NAALADL2: variants seen among roughly 807,000 people sequenced by gnomAD.
The protein encoded by NAALADL2 is N-acetylated alpha-linked acidic dipeptidase like 2, also known as inactive N-acetylated-alpha-linked acidic dipeptidase-like protein 2.
Under a neutral mutation model 87.2 loss-of-function variants are expected in NAALADL2, and 76 were observed. The observed-to-expected ratio is 0.87, with a 90% CI of 0.72 to 1.05. The LOEUF is 1.05. NAALADL2 is among the 50% of genes least tolerant of loss of function. NAALADL2 has a pLI of 0.00. For missense variants in NAALADL2, 1,089 were observed against 945.8 expected (o/e 1.15, Z -1.99); for synonymous variants, 354 against 331.0 (o/e 1.07, Z -0.75).
intron 3 of NAALADL2, among the ~76,000 whole-genome samples, chr3:174,810,085 G>C (rs1719995814): frequency 1.3e-5 from 2 of 152,156 alleles, no homozygotes; most frequent in African/African-American, 4.8e-5. Context: ...CTACAGAACT[G>C]TGAGCCAATT....
chr3:175,795,094 AC>A (rs1382076373), intron 13 of NAALADL2, among the ~76,000 whole-genome samples: 1 of 151,738 alleles, frequency 6.6e-6, no homozygotes, highest in African/African-American at 2.4e-5. Flanking sequence ...AAACTTAATT[AC>A]CCCCAAGGCT....
intron 2 of NAALADL2, among the ~76,000 whole-genome samples, chr3:174,614,298 C>G (rs1720230786): frequency 6.6e-6 from 1 of 152,152 alleles, no homozygotes; most frequent in Admixed American, 6.5e-5. Context: ...CCTTGACTAC[C>G]TTTCAAGTTT....
chr3:174,471,314 T>A (rs997351770), intron 1 of NAALADL2, among the ~76,000 whole-genome samples: 1 of 152,128 alleles, frequency 6.6e-6, no homozygotes, highest in East Asian at 1.9e-4. Flanking sequence ...CCAAGATGTA[T>A]GCAGTTTGTA....
chr3:175,692,996 T>C (rs1268544463), intron 11 of NAALADL2, among the ~76,000 whole-genome samples: 1 of 152,198 alleles, frequency 6.6e-6, no homozygotes, highest in African/African-American at 2.4e-5. Flanking sequence ...GCTGTAAAGC[T>C]CAGAGTTTCA....
chr3:174,462,407 A>G (rs1012935231), intron 1 of NAALADL2, among the ~76,000 whole-genome samples: 2 of 152,096 alleles, frequency 1.3e-5, no homozygotes, highest in African/African-American at 4.8e-5. Flanking sequence ...TCTCCTCTCT[A>G]TGATTATTTT....
chr3:174,632,933 CAAAAAAAAAAA>C (rs56809226), intron 2 of NAALADL2, among the ~76,000 whole-genome samples: 5 of 63,776 alleles, frequency 7.8e-5, no homozygotes, highest in African/African-American at 1.1e-4. Flanking sequence ...GACTCTGTCT[CAAAAAAAAAAA>C]AAAAAAAAAA....
intron 11 of NAALADL2, among the ~76,000 whole-genome samples, chr3:175,699,264 A>C (rs932668865): frequency 2.0e-5 from 3 of 151,922 alleles, no homozygotes; most frequent in African/African-American, 7.2e-5. Context: ...ATAAATCTTA[A>C]TACAAAGCAC....
At chr3:175,482,853 T>C (rs1726702713) in intron 9 of NAALADL2, among the ~76,000 whole-genome samples, 1 of 151,778 alleles carries the variant, frequency 6.6e-6, no homozygotes, top group African/African-American at 2.4e-5. Context: ...CTCTTACTTA[T>C]TTTCTGGACA....
intron 2 of NAALADL2, among the ~76,000 whole-genome samples, chr3:174,566,019 A>T (rs1486244502): frequency 6.6e-6 from 1 of 151,772 alleles, no homozygotes; most frequent in East Asian, 1.9e-4. Flanking sequence ...TGAATTGACC[A>T]AATTTTGCAT....
chr3:174,517,209 G>T (rs1410116555), intron 1 of NAALADL2, among the ~76,000 whole-genome samples: 1 of 151,928 alleles, frequency 6.6e-6, no homozygotes, highest in African/African-American at 2.4e-5. Flanking sequence ...GGTTTTGGGG[G>T]TTGTTGCTAT....
At chr3:174,701,277 A>G (rs1288200293) in intron 2 of NAALADL2, among the ~76,000 whole-genome samples, 1 of 151,684 alleles carries the variant, frequency 6.6e-6, no homozygotes, top group Non-Finnish European at 1.5e-5. Flanking sequence ...ATTATATCTC[A>G]TATGAACCTA....
At chr3:175,084,640 G>A (rs572902113) in intron 1 of NAALADL2, among the ~76,000 whole-genome samples, 1 of 152,208 alleles carries the variant, frequency 6.6e-6, no homozygotes, top group East Asian at 1.9e-4. Context: ...ATTCCTAAAA[G>A]AGCATAGATA....
chr3:175,186,675 G>A (rs1415824660), intron 2 of NAALADL2, among the ~76,000 whole-genome samples: 1 of 152,060 alleles, frequency 6.6e-6, no homozygotes, highest in East Asian at 1.9e-4. Flanking sequence ...CTGGCAAAAT[G>A]TTCTAATACT....
At chr3:174,839,935 C>A (rs1223221397) in intron 3 of NAALADL2, among the ~76,000 whole-genome samples, 1 of 152,016 alleles carries the variant, frequency 6.6e-6, no homozygotes, top group Non-Finnish European at 1.5e-5. Flanking sequence ...CTATGGAAAA[C>A]AGTGTGGAGA....
At chr3:175,669,483 G>A (rs1202300507) in intron 11 of NAALADL2, among the ~76,000 whole-genome samples, 1 of 151,988 alleles carries the variant, frequency 6.6e-6, no homozygotes, top group Non-Finnish European at 1.5e-5. Context: ...TTTTCAAATT[G>A]TTAATCAAAT....
chr3:175,093,652 A>G (rs1195176998), intron 1 of NAALADL2, among the ~76,000 whole-genome samples: 1 of 151,322 alleles, frequency 6.6e-6, no homozygotes, highest in Non-Finnish European at 1.5e-5. Context: ...AAAATGCTTT[A>G]TCATATATGT....
intron 5 of NAALADL2, among the ~76,000 whole-genome samples, chr3:175,331,499 C>T (rs562393130): frequency 2.8e-4 from 43 of 152,070 alleles, no homozygotes; most frequent in South Asian, 8.3e-4. Flanking sequence ...ACTGATAAAA[C>T]GAAAGACAAA....
intron 2 of NAALADL2, among the ~76,000 whole-genome samples, chr3:175,155,666 A>C (rs1041364894): frequency 6.6e-6 from 1 of 152,086 alleles, no homozygotes; most frequent in Non-Finnish European, 1.5e-5. Flanking sequence ...TGTTTTAATA[A>C]ATAGTTTATA....
chr3:175,765,304 A>G (rs1207814669), intron 13 of NAALADL2, among the ~76,000 whole-genome samples: 1 of 152,084 alleles, frequency 6.6e-6, no homozygotes, highest in Non-Finnish European at 1.5e-5. Flanking sequence ...TTTTATAATT[A>G]TGTGTCCCTT....
Sources: allele counts gnomAD v4.1 joint callset (sites outside exome capture counted in the v4.1 genomes callset), GRCh38; gene constraint gnomAD v4.1.1; transcripts MANE v1.5; gene names NCBI Gene and HGNC (gene_info 2026-07-23, HGNC 2026-07-21).